Variants in TSHZ3 observed in about 807,000 individuals in gnomAD.
TSHZ3 encodes the protein teashirt zinc finger homeobox 3.
TSHZ3 carries 10 observed loss-of-function variants against 64.5 expected under a neutral mutation model. That is an observed-to-expected ratio of 0.16 (90% CI 0.10 to 0.26). TSHZ3 has a LOEUF of 0.26. Among genes scored for constraint, TSHZ3 ranks in the 10% least tolerant of loss-of-function variants. The pLI, the probability that TSHZ3 is intolerant of heterozygous loss-of-function variation, is 1.00. For missense variants in TSHZ3, 1,242 were observed against 1,421.7 expected (o/e 0.87, Z 2.03); for synonymous variants, 608 against 593.1 (o/e 1.03, Z -0.36).
At chr19:31,194,463 T>C (rs560191471) in intron 5 of TSHZ3, among the ~76,000 whole-genome samples, 1 of 152,284 alleles carries the variant, frequency 6.6e-6, no homozygotes, top group African/African-American at 2.4e-5. Flanking sequence ...CTCCACACCA[T>C]TGCAGCCATC....
At chr19:31,240,323 A>G (rs1975671124) in intron 3 of TSHZ3, among the ~76,000 whole-genome samples, 1 of 152,182 alleles carries the variant, frequency 6.6e-6, no homozygotes, top group Non-Finnish European at 1.5e-5. Context: ...AAAAATATGT[A>G]TTTTGACACA....
At chr19:31,320,110 A>AG (rs1916721139) in intron 1 of TSHZ3, among the ~76,000 whole-genome samples, 1 of 152,228 alleles carries the variant, frequency 6.6e-6, no homozygotes, top group Non-Finnish European at 1.5e-5. Flanking sequence ...AAACAGATGA[A>AG]ATATACATGT....
upstream of TSHZ3, among the ~76,000 whole-genome samples, chr19:31,349,764 C>T (rs2021652185): frequency 6.8e-6 from 1 of 146,210 alleles, no homozygotes; most frequent in South Asian, 2.2e-4. Context: ...TCCGGGGGGA[C>T]GCGCAGCCGC....
intron 1 of TSHZ3, among the ~76,000 whole-genome samples, chr19:31,269,198 T>C (rs978954811): frequency 6.6e-6 from 1 of 152,060 alleles, no homozygotes; most frequent in Admixed American, 6.6e-5. Flanking sequence ...TCTGTTAGCC[T>C]AGCCAAGCAG....
exon 7 of TSHZ3, among the ~76,000 whole-genome samples, chr19:31,150,617 C>T (rs533304388): frequency 5.3e-5 from 8 of 152,194 alleles, no homozygotes; most frequent in Non-Finnish European, 7.3e-5. Context: ...TGGCCCACAG[C>T]GCACGGGGCA....
At chr19:31,209,174 C>T (rs188638549) in intron 4 of TSHZ3, among the ~76,000 whole-genome samples, 7 of 152,210 alleles carry the variant, frequency 4.6e-5, no homozygotes, top group Admixed American at 6.5e-5. Flanking sequence ...CTGAGCTGCC[C>T]GTGGGTGCCC....
At chr19:31,299,894 G>A (rs1053125371) in intron 1 of TSHZ3, among the ~76,000 whole-genome samples, 4 of 152,206 alleles carry the variant, frequency 2.6e-5, no homozygotes, top group African/African-American at 7.2e-5. Context: ...AATGTCACAT[G>A]AGCAAAGACA....
chr19:31,165,696 G>A (rs527526742), intron 5 of TSHZ3, among the ~76,000 whole-genome samples: 75 of 152,238 alleles, frequency 4.9e-4, no homozygotes, highest in African/African-American at 1.7e-3. Flanking sequence ...GTGGGTATTT[G>A]TGTGTGTCCC....
intron 5 of TSHZ3, among the ~76,000 whole-genome samples, chr19:31,200,072 T>A (rs1229080494): frequency 6.6e-6 from 1 of 152,072 alleles, no homozygotes; most frequent in Non-Finnish European, 1.5e-5. Context: ...CAACACCAAA[T>A]GCTGGTAAGA....
At chr19:31,330,882 T>C (rs893340146) in intron 1 of TSHZ3, among the ~76,000 whole-genome samples, 3 of 151,984 alleles carry the variant, frequency 2.0e-5, no homozygotes, top group African/African-American at 7.3e-5. Flanking sequence ...GGAATCAGCA[T>C]TGACATGCCC....
intron 5 of TSHZ3, among the ~76,000 whole-genome samples, chr19:31,200,764 G>T (rs1375476399): frequency 2.0e-5 from 3 of 152,182 alleles, no homozygotes; most frequent in Non-Finnish European, 4.4e-5. Flanking sequence ...TTTATCAATT[G>T]TAACAAATGC....
chr19:31,288,435 T>C (rs1976504252), intron 1 of TSHZ3, among the ~76,000 whole-genome samples: 1 of 152,150 alleles, frequency 6.6e-6, no homozygotes, highest in South Asian at 2.1e-4. Flanking sequence ...TTCTTCACAC[T>C]TGGGCCCACA....
At chr19:31,150,836 A>G (rs777524294) in exon 7 of TSHZ3, among the ~76,000 whole-genome samples, 1 of 152,070 alleles carries the variant, frequency 6.6e-6, no homozygotes, top group Non-Finnish European at 1.5e-5. Flanking sequence ...CCCTCCATAG[A>G]TGGACCCTAG....
chr19:31,203,053 T>C (rs898893706), intron 5 of TSHZ3, among the ~76,000 whole-genome samples: 2 of 150,274 alleles, frequency 1.3e-5, no homozygotes, highest in African/African-American at 4.9e-5. Flanking sequence ...ATAAGTAATA[T>C]AGAAAAAAAA....
At chr19:31,269,920 C>T (rs1976111398) in intron 1 of TSHZ3, among the ~76,000 whole-genome samples, 1 of 152,198 alleles carries the variant, frequency 6.6e-6, no homozygotes, top group African/African-American at 2.4e-5. Context: ...TGGAGGCTGA[C>T]AGCCACGCCA....
At chr19:31,346,796 CCAA>C (rs1568388869) in intron 1 of TSHZ3, among the ~76,000 whole-genome samples, 2 of 145,238 alleles carry the variant, frequency 1.4e-5, no homozygotes, top group African/African-American at 5.1e-5. Flanking sequence ...CAAACCACCC[CCAA>C]AAAAAAAACC....
chr19:31,266,745 T>G (rs549305533), intron 1 of TSHZ3, among the ~76,000 whole-genome samples: 18 of 152,180 alleles, frequency 1.2e-4, no homozygotes, highest in Non-Finnish European at 2.4e-4. Flanking sequence ...TCTAAAATGG[T>G]AATGGTGATA....
At chr19:31,208,691 T>C (rs1323174387) in intron 4 of TSHZ3, among the ~76,000 whole-genome samples, 2 of 152,194 alleles carry the variant, frequency 1.3e-5, no homozygotes, top group East Asian at 1.9e-4. Flanking sequence ...GCTGGTTTTA[T>C]GTAGGGGCAG....
chr19:31,188,310 A>G (rs1974844488), intron 5 of TSHZ3, among the ~76,000 whole-genome samples: 1 of 151,930 alleles, frequency 6.6e-6, no homozygotes, highest in Admixed American at 6.5e-5. Context: ...ACAATTCTAC[A>G]TGTATAAATA....
Sources: gnomAD v4.1 joint callset for allele counts (sites outside exome capture counted in the v4.1 genomes callset) on GRCh38, gnomAD v4.1.1 for gene constraint, MANE v1.5 for transcripts, NCBI Gene and HGNC (gene_info 2026-07-23, HGNC 2026-07-21) for gene names.